HDAC9: variants seen among roughly 807,000 people sequenced by gnomAD.
HDAC9 encodes histone deacetylase 9, also known as MEF-2 interacting transcription repressor (MITR) protein.
Under a neutral mutation model 139.4 loss-of-function variants are expected in HDAC9, and 41 were observed. The ratio of observed to expected loss-of-function variants is 0.29; its 90% confidence interval spans 0.23 to 0.38. HDAC9 has a LOEUF of 0.38. Among genes scored for constraint, HDAC9 ranks in the 10% least tolerant of loss-of-function variants. The pLI, the probability that HDAC9 is intolerant of heterozygous loss-of-function variation, is 1.00. For synonymous variants in HDAC9, 517 were observed against 476.2 expected (o/e 1.09, Z -1.12); for missense variants, 1,147 against 1,297.0 (o/e 0.88, Z 1.78).
chr7:18,090,149 G>A (rs539742901), intron 1 of HDAC9, among the ~76,000 whole-genome samples: 8 of 152,278 alleles, frequency 5.3e-5, no homozygotes, highest in Non-Finnish European at 1.0e-4. Context: ...ATTTTAGGAA[G>A]GAGGCGGCAG....
intron 1 of HDAC9, among the ~76,000 whole-genome samples, chr7:18,471,352 C>G (rs892128219): frequency 6.6e-6 from 1 of 152,158 alleles, no homozygotes; most frequent in African/African-American, 2.4e-5. Flanking sequence ...TAGCCATAGC[C>G]TTTCTGCTTT....
intron 2 of HDAC9, among the ~76,000 whole-genome samples, chr7:18,167,443 T>A (rs970883534): frequency 4.3e-4 from 66 of 152,296 alleles, no homozygotes; most frequent in African/African-American, 1.6e-3. Context: ...TTAATTTTGG[T>A]GGGTAATTCA....
chr7:18,090,666 T>A (rs1583978520), intron 1 of HDAC9, among the ~76,000 whole-genome samples: 1 of 152,188 alleles, frequency 6.6e-6, no homozygotes, highest in Non-Finnish European at 1.5e-5. Context: ...GGGACAGTAA[T>A]GGAGTGTTCA....
Position 18,829,533 on chromosome 7 carries a change from A to G in HDAC9, c.2451A>G (p.Ile817Met), listed in dbSNP as rs951965900. The change falls in exon 19 of 26, where the codon ATA becomes ATG. Residue 817 changes from isoleucine to methionine, a missense_variant. Around this residue, in one of 7 missense-constraint regions of HDAC9, gnomAD observed 407 missense variants for 521.5 expected, o/e 0.78. Coordinates refer to ENST00000686413, the MANE Select transcript of HDAC9 (RefSeq NM_178425.4). Reference sequence around the variant, plus strand: ...GAGACCAACTAAATATAAGCAAGATATTGATTGTAGATCTGGTATGTATTC... The same window carrying G: ...GAGACCAACTAAATATAAGCAAGATGTTGATTGTAGATCTGGTATGTATTC... ...YLRDQLNISKILIVDLDVHHG... is the reference protein window; with the variant it reads ...YLRDQLNISKMLIVDLDVHHG... 56 of 1,601,636 alleles carry G rather than the reference A, an allele frequency of 3.5e-5. No individual in the cohort carries two copies. Among genetic ancestry groups the G allele is most frequent in the Non-Finnish European group, 4.8e-5 (56 of 1,169,654 alleles).
intron 1 of HDAC9, among the ~76,000 whole-genome samples, chr7:18,361,818 GA>G (rs200411524): frequency 0.042 from 6,045 of 145,114 alleles, 229 homozygotes; most frequent in East Asian, 0.22. Context: ...AGGAGAGAGA[GA>G]AAAAAAAAAA....
intron 2 of HDAC9, among the ~76,000 whole-genome samples, chr7:18,166,193 A>G (rs569822998): frequency 6.6e-6 from 1 of 152,332 alleles, no homozygotes; most frequent in African/African-American, 2.4e-5. Context: ...AGAATTGTGC[A>G]ATGCTCTGGC....
At chr7:18,525,779 A>C (rs939348652) in intron 2 of HDAC9, among the ~76,000 whole-genome samples, 1 of 152,122 alleles carries the variant, frequency 6.6e-6, no homozygotes, top group Non-Finnish European at 1.5e-5. Flanking sequence ...AGGATGCTGT[A>C]TATCTGTTCC....
chr7:18,590,276 C>G, intron 3 of HDAC9, 60 bp from the exon 4 acceptor site: 3 of 1,554,446 alleles, frequency 1.9e-6, no homozygotes, highest in Non-Finnish European at 2.6e-6. Flanking sequence ...CAGTTTTGGT[C>G]AGTGATGACT....
chr7:18,945,615 T>C (rs1032420391), intron 23 of HDAC9, among the ~76,000 whole-genome samples: 3 of 152,188 alleles, frequency 2.0e-5, no homozygotes, highest in African/African-American at 7.2e-5. Flanking sequence ...TTCTGAAAGG[T>C]TTATTTTTTG....
intron 22 of HDAC9, among the ~76,000 whole-genome samples, chr7:18,913,787 A>T (rs530544949): frequency 6.6e-6 from 1 of 152,186 alleles, no homozygotes; most frequent in African/African-American, 2.4e-5. Flanking sequence ...GAAGTTAAGG[A>T]TGAAGCATCC....
At chr7:18,886,413 C>G (rs568842837) in intron 22 of HDAC9, among the ~76,000 whole-genome samples, 2 of 152,284 alleles carry the variant, frequency 1.3e-5, no homozygotes, top group Non-Finnish European at 2.9e-5. Context: ...GAGGAAGATG[C>G]CAACTGCAGC....
intron 22 of HDAC9, among the ~76,000 whole-genome samples, chr7:18,928,661 CACTAT>C (rs1170722381): frequency 1.3e-5 from 2 of 151,886 alleles, no homozygotes; most frequent in African/African-American, 4.8e-5. Flanking sequence ...AAAATGTATC[CACTAT>C]TTGATATTTG....
intron 2 of HDAC9, among the ~76,000 whole-genome samples, chr7:18,529,099 A>G (rs2083468427): frequency 6.6e-6 from 1 of 152,168 alleles, no homozygotes; most frequent in Non-Finnish European, 1.5e-5. Context: ...GAGAGCCTCA[A>G]ACAGCTAAAC....
intron 1 of HDAC9, among the ~76,000 whole-genome samples, chr7:18,370,246 C>T (rs1420776086): frequency 6.6e-6 from 1 of 152,064 alleles, no homozygotes; most frequent in African/African-American, 2.4e-5. Context: ...AGTTAGAATC[C>T]CATAAATCTG....
At chr7:18,480,056 C>T (rs113412652) in intron 1 of HDAC9, among the ~76,000 whole-genome samples, 2,576 of 127,854 alleles carry the variant, frequency 0.02, 68 homozygotes, top group African/African-American at 0.07. Context: ...ATTTTTTTTT[C>T]CCTAGTCTGC....
chr7:18,627,238 C>G (rs1841959885), intron 6 of HDAC9, among the ~76,000 whole-genome samples: 1 of 152,164 alleles, frequency 6.6e-6, no homozygotes, highest in Non-Finnish European at 1.5e-5. Context: ...CACCCACTGC[C>G]TTTTGAAGTG....
chr7:18,541,741 G>C (rs965105213), intron 2 of HDAC9, among the ~76,000 whole-genome samples: 8 of 152,182 alleles, frequency 5.3e-5, no homozygotes, highest in Non-Finnish European at 1.0e-4. Flanking sequence ...AGATTTTATA[G>C]TCTATTTAAT....
At chr7:18,226,316 A>T (rs1052304767) in intron 2 of HDAC9, among the ~76,000 whole-genome samples, 2 of 152,162 alleles carry the variant, frequency 1.3e-5, no homozygotes, top group Non-Finnish European at 2.9e-5. Context: ...GGAGTGGTGG[A>T]CAACTGCAGG....
intron 2 of HDAC9, among the ~76,000 whole-genome samples, chr7:18,200,004 C>G (rs1178319): frequency 0.038 from 5,736 of 152,114 alleles, 146 homozygotes; most frequent in African/African-American, 0.058. Context: ...AAGAGTAAAA[C>G]TTTTGTGACA....
Sources: gnomAD v4.1 joint callset for allele counts (sites outside exome capture counted in the v4.1 genomes callset) on GRCh38, gnomAD v4.1.1 for gene constraint, gnomAD v4.1.1 regional missense constraint, MANE v1.5 for transcripts, NCBI Gene and HGNC (gene_info 2026-07-23, HGNC 2026-07-21) for gene names.